Variants in RAI14 observed in about 807,000 individuals in gnomAD.
RAI14 encodes the protein ankycorbin.
In RAI14, 45 loss-of-function variants were observed where a neutral mutation model predicts 115.4. The ratio of observed to expected loss-of-function variants is 0.39; its 90% CI spans 0.31 to 0.50. The LOEUF (loss-of-function observed/expected upper bound fraction) is 0.50. Ranked by LOEUF, RAI14 falls within the 20% of genes least tolerant of loss-of-function variation. The pLI is 0.85. For synonymous variants in RAI14, 371 were observed against 415.4 expected (o/e 0.89, Z 1.30); for missense variants, 939 against 1,131.2 (o/e 0.83, Z 2.44).
At chr5:34,790,758 G>GTA (rs1752826961) in intron 3 of RAI14, among the ~76,000 whole-genome samples, 1 of 138,278 alleles carries the variant, frequency 7.2e-6, no homozygotes, top group African/African-American at 2.6e-5. Flanking sequence ...GTGTGTGTGT[G>GTA]TATATATACA....
chr5:34,755,632 C>A (rs772946461), intron 2 of RAI14, among the ~76,000 whole-genome samples: 3 of 152,208 alleles, frequency 2.0e-5, no homozygotes, highest in Non-Finnish European at 4.4e-5. Context: ...GCCAGTAGCA[C>A]TCTATAGACA....
At chr5:34,671,768 C>T (rs1351989904) in intron 1 of RAI14, among the ~76,000 whole-genome samples, 1 of 152,050 alleles carries the variant, frequency 6.6e-6, no homozygotes, top group East Asian at 1.9e-4. Flanking sequence ...TGTTTGAAAT[C>T]CATTGTATAA....
chr5:34,661,304 C>T (rs548367099), intron 1 of RAI14, among the ~76,000 whole-genome samples: 1 of 152,174 alleles, frequency 6.6e-6, no homozygotes, highest in East Asian at 1.9e-4. Context: ...GTATTCTGTA[C>T]TAGATTATGA....
intron 3 of RAI14, among the ~76,000 whole-genome samples, chr5:34,779,972 A>G (rs903472000): frequency 1.3e-5 from 2 of 152,234 alleles, no homozygotes; most frequent in African/African-American, 4.8e-5. Flanking sequence ...TTCAAACTAT[A>G]CTACAAGACT....
Position 34,824,090 on chromosome 5 carries a change from A to C in RAI14, c.2248A>C (p.Lys750Gln). The change falls in exon 15 of 18, where the codon AAA becomes CAA. Residue 750 changes from lysine (K) to glutamine (Q), a missense_variant. Lys to Gln is a moderately conservative substitution (Grantham distance 53). Coordinates refer to ENST00000265109, the MANE Select transcript of RAI14 (RefSeq NM_015577.3). ...GACTGCAGCAAAAGAGATGGAAGAA[A>C]AAATAAGCAATCTTAAGGAACACCT... Reference protein sequence around the residue: ...LRTAAKEMEEKISNLKEHLAS... With the variant: ...LRTAAKEMEEQISNLKEHLAS... The C allele has an allele frequency of 6.2e-7, 1 of 1,614,242 alleles. No individual in the cohort carries two copies. The highest frequency in any genetic ancestry group is 1.1e-5 in the South Asian group (1 of 91,076).
chr5:34,702,744 GT>G (rs575213375), intron 2 of RAI14, among the ~76,000 whole-genome samples: 6 of 152,160 alleles, frequency 3.9e-5, no homozygotes, highest in Non-Finnish European at 8.8e-5. Context: ...TTTTACTCTT[GT>G]TGCCAGGCTG....
chr5:34,780,367 A>G (rs542541386), intron 3 of RAI14, among the ~76,000 whole-genome samples: 239 of 152,356 alleles, frequency 1.6e-3, no homozygotes, highest in Admixed American at 3.7e-3. Context: ...GCCAAAATTG[A>G]CAAATGGGAT....
intron 3 of RAI14, among the ~76,000 whole-genome samples, chr5:34,765,498 A>G (rs1256014254): frequency 6.6e-6 from 1 of 152,222 alleles, no homozygotes; most frequent in Non-Finnish European, 1.5e-5. Flanking sequence ...GACTGGTGGC[A>G]TTTTGCCCCT....
intron 2 of RAI14, among the ~76,000 whole-genome samples, chr5:34,694,312 C>T (rs1738971783): frequency 6.6e-6 from 1 of 152,174 alleles, no homozygotes; most frequent in South Asian, 2.1e-4. Context: ...ACAGAAATTG[C>T]TTCTGAATCA....
intron 2 of RAI14, among the ~76,000 whole-genome samples, chr5:34,728,293 G>A (rs1273508850): frequency 6.6e-6 from 1 of 152,148 alleles, no homozygotes; most frequent in Non-Finnish European, 1.5e-5. Flanking sequence ...TTGAGTTAAT[G>A]CTAAATGAGT....
At position 34,795,957 on chromosome 5, in the gene RAI14, A is replaced by C. The variant is rs1461448757; in HGVS notation, c.186A>C (p.Ala62=). 26 of 1,613,336 alleles carry C rather than the reference A, an allele frequency of 1.6e-5. No individual in the cohort carries two copies. The highest frequency in any genetic ancestry group is 2.1e-5 in the Non-Finnish European group (25 of 1,179,366). ...TTTCCAGTTTCCATCTTGCTGCTGC[A>C]AAAGGACACGTGGAATGCCTCAGGG... ...EGKTAFHLAA[A]KGHVECLRVM... Residue 62 remains alanine, a synonymous_variant, in exon 4 of 18, where the codon GCA becomes GCC. Transcript: ENST00000265109.
chr5:34,744,516 T>C (rs892683439), intron 2 of RAI14, among the ~76,000 whole-genome samples: 2 of 152,212 alleles, frequency 1.3e-5, no homozygotes, highest in Admixed American at 6.5e-5. Flanking sequence ...TGTGATCTGC[T>C]GTTCTCTTCC....
At chr5:34,817,048 C>T (rs566432133) in intron 12 of RAI14, among the ~76,000 whole-genome samples, 3 of 151,908 alleles carry the variant, frequency 2.0e-5, no homozygotes, top group African/African-American at 4.8e-5. Context: ...GAGGCCAAAG[C>T]GGGTGGATCA....
intron 17 of RAI14, among the ~76,000 whole-genome samples, chr5:34,830,070 C>G (rs181408975): frequency 6.6e-6 from 1 of 152,042 alleles, no homozygotes; most frequent in Non-Finnish European, 1.5e-5. Context: ...ACTGCAGCCT[C>G]GACCCACGGG....
chr5:34,811,192 G>C (rs955029016), intron 8 of RAI14, 74 bp downstream of exon 8: 5 of 1,495,140 alleles, frequency 3.3e-6, no homozygotes, highest in Non-Finnish European at 4.6e-6. Flanking sequence ...AAATATCACA[G>C]CTATATTTTG....
At chr5:34,690,506 G>A (rs1220541580) in intron 2 of RAI14, among the ~76,000 whole-genome samples, 1 of 152,226 alleles carries the variant, frequency 6.6e-6, no homozygotes, top group African/African-American at 2.4e-5. Flanking sequence ...TAGGATGAAA[G>A]TGGCCCAAGG....
intron 1 of RAI14, among the ~76,000 whole-genome samples, chr5:34,672,190 G>C (rs1347859345): frequency 6.6e-6 from 1 of 152,136 alleles, no homozygotes; most frequent in Non-Finnish European, 1.5e-5. Flanking sequence ...GATTTTGTAG[G>C]CTGGGGTCCT....
intron 2 of RAI14, among the ~76,000 whole-genome samples, chr5:34,752,703 A>ATATG (rs1554051436): frequency 8.4e-5 from 7 of 83,024 alleles, no homozygotes; most frequent in South Asian, 7.1e-4. Flanking sequence ...TCTTACATAT[A>ATATG]TGTGTGTGTG....
chr5:34,746,307 G>C lies in RAI14; in HGVS notation c.37-11161G>C, dbSNP rs528092865. On this transcript the variant is annotated intron_variant, in intron 2 of 17. Coordinates refer to ENST00000265109, the MANE Select transcript of RAI14 (RefSeq NM_015577.3). ...TTTTTAGTAGAGACGGGGTTTCACT[G>C]TGTTAGCCAGGATGGTCTCGATCTC... is the stretch of plus-strand genomic sequence containing the variant. Among the ~76,000 whole-genome samples, 454 of 150,488 alleles carry C rather than the reference G, an allele frequency of 3.0e-3. 6 individuals are homozygous for C. The highest frequency in any genetic ancestry group is 0.011 in the African/African-American group (432 of 40,938).
Sources: allele counts gnomAD v4.1 joint callset (sites outside exome capture counted in the v4.1 genomes callset), GRCh38; gene constraint gnomAD v4.1.1; transcripts MANE v1.5; gene names NCBI Gene and HGNC (gene_info 2026-07-23, HGNC 2026-07-21).